Variants in NTNG2 observed in about 807,000 individuals in gnomAD.
NTNG2 encodes the protein netrin G2, also known as netrin-G2.
NTNG2 carries 15 observed loss-of-function variants against 47.6 expected under a neutral mutation model. The ratio of observed to expected loss-of-function variants is 0.32; its 90% CI spans 0.21 to 0.49. The LOEUF (loss-of-function observed/expected upper bound fraction) is 0.49, where lower values mean the gene tolerates loss of function less well. Among genes scored for constraint, NTNG2 ranks in the 20% least tolerant of loss-of-function variants. The pLI, the probability that NTNG2 is intolerant of heterozygous loss-of-function variation, is 0.99. For synonymous variants in NTNG2, 307 were observed against 324.6 expected, an observed-to-expected ratio of 0.95 and a Z score of 0.58; for missense variants, 578 against 764.6, an observed-to-expected ratio of 0.76 and a Z score of 2.88.
Position 132,198,363 on chromosome 9 carries a change from G to C in NTNG2, c.611G>C (p.Gly204Ala), listed in dbSNP as rs1483207462. The C allele has an allele frequency of 6.2e-7, 1 of 1,612,958 alleles. No homozygotes were observed. The highest frequency in any genetic ancestry group is 1.6e-4 in the Middle Eastern group (1 of 6,062). Residue 204 changes from glycine (G) to alanine (A), a missense_variant, in exon 3 of 8, where the codon GGC (glycine) becomes GCC (alanine). Physicochemically the swap from Gly to Ala is moderately conservative, Grantham distance 60. Transcript: ENST00000393229. ...LCTEEYSRWA[G>A]SKKEKHVRFE... ...ACCGAGGAGTACTCGCGCTGGGCAG[G>C]CTCCAAGAAGGAGAAGCACGTGCGC...
chr9:132,229,482 C>T (rs1161295698), intron 4 of NTNG2, among the ~76,000 whole-genome samples: 2 of 152,182 alleles, frequency 1.3e-5, no homozygotes, highest in Admixed American at 1.3e-4. Flanking sequence ...CCACTCTGCC[C>T]CCACCTGGCC....
At chr9:132,176,408 A>T (rs144678158) in intron 2 of NTNG2, among the ~76,000 whole-genome samples, 42 of 152,238 alleles carry the variant, frequency 2.8e-4, no homozygotes, top group Non-Finnish European at 5.4e-4. Flanking sequence ...GAATTTAGCT[A>T]TGCTAGACAT....
chr9:132,203,204 G>T (rs538462932), intron 3 of NTNG2, among the ~76,000 whole-genome samples: 3 of 152,140 alleles, frequency 2.0e-5, no homozygotes, highest in South Asian at 4.1e-4. Flanking sequence ...GCCAGGCATG[G>T]TGGTGTGCGC....
rs930285554 is a variant in NTNG2, at chr9:132,180,776, T to A, written c.213+13732T>A. 2.6e-5 allele frequency among the ~76,000 whole-genome samples: 4 copies of A among 152,194 alleles called. No homozygotes were observed. The highest frequency in any genetic ancestry group is 9.6e-5 in the African/African-American group (4 of 41,458). On this transcript the variant is annotated intron_variant, in intron 2 of 7. Coordinates refer to ENST00000393229, the MANE Select transcript of NTNG2 (RefSeq NM_032536.4). The surrounding 1 kb of genome is among the most constrained non-coding windows in gnomAD (Gnocchi z 4.2). ...CCAGAGGGGAGAAATGCAGGGAACC[T>A]ACCCAGAAAACCCTGGAGCGGGAGC...
intron 3 of NTNG2, among the ~76,000 whole-genome samples, chr9:132,225,876 T>G (rs1015562776): frequency 2.6e-5 from 4 of 152,210 alleles, no homozygotes; most frequent in Non-Finnish European, 1.5e-5. Context: ...TGCCGGAGTT[T>G]CCTCGAGTCC....
intron 2 of NTNG2, among the ~76,000 whole-genome samples, chr9:132,195,952 G>C (rs1364464450): frequency 6.6e-6 from 1 of 151,858 alleles, no homozygotes. Context: ...TTTATTGTTT[G>C]TAGAGACAGG....
In NTNG2 at chr9:132,236,210, C is replaced by T. The variant is rs1352712679; in HGVS notation, c.1055-2894C>T. Among the ~76,000 whole-genome samples the T allele has an allele frequency of 1.3e-5, 2 of 152,212 alleles. No individual in the cohort carries two copies. The highest frequency in any genetic ancestry group is 2.4e-5 in the African/African-American group (1 of 41,446). On this transcript the variant is annotated intron_variant, in intron 5 of 7. Transcript: ENST00000393229. The surrounding 1 kb of genome is among the most constrained non-coding windows in gnomAD (Gnocchi z 4.3). ...GGTGAAGGGAGAAGGCAGCACATTCCAGGCCGCAGGGCCAGCCGGGGCAAA... is the reference window on the plus strand; with the variant it reads ...GGTGAAGGGAGAAGGCAGCACATTCTAGGCCGCAGGGCCAGCCGGGGCAAA...
intron 5 of NTNG2, 155 bp from the exon 6 acceptor site, chr9:132,238,949 G>GTTT: frequency 1.4e-6 from 1 of 736,020 alleles, no homozygotes; most frequent in African/African-American, 1.8e-5. Context: ...TGAATCCGAT[G>GTTT]GAAGGGTGGG....
chr9:132,211,639 C>T (rs1211907721), intron 3 of NTNG2, among the ~76,000 whole-genome samples: 1 of 152,154 alleles, frequency 6.6e-6, no homozygotes, highest in Non-Finnish European at 1.5e-5. Context: ...TCCTGTCTGG[C>T]AAACTCCTCA....
rs1468064776 is a variant in NTNG2 at position 132,189,064 on chromosome 9, CTTTCT to C, written c.214-8898_214-8894del. ...GTTTTATGTGAAAAAGGCTTTAAGCCTTTCTTTTTTTTTTTTTTTTTTTTTTTTTT... is the reference window on the plus strand; with the variant it reads ...GTTTTATGTGAAAAAGGCTTTAAGCCTTTTTTTTTTTTTTTTTTTTTTTTT... On this transcript the variant is annotated intron_variant, in intron 2 of 7. Coordinates refer to ENST00000393229, the MANE Select transcript of NTNG2 (RefSeq NM_032536.4). Among the ~76,000 whole-genome samples the C allele has an allele frequency of 6.3e-4, 39 of 61,770 alleles. 1 individual carries two copies. The highest frequency in any genetic ancestry group is 1.4e-3 in the South Asian group (3 of 2,094). The allele number at this position is 61,770 out of a possible 152,430, so 40.5% of individuals were successfully genotyped here. A position where few individuals can be genotyped will look rare whatever the true frequency, so the allele number is the denominator to read the frequency against.
At position 132,174,779 on chromosome 9, in the gene NTNG2, G is replaced by A. The variant is rs561881126; in HGVS notation, c.213+7735G>A. The stretch of plus-strand genomic sequence containing the variant: ...TCTACTAAAAATACAAAAATTAGCC[G>A]GGTGTGGTGGCGCGCGCCTGTAATC... On this transcript the variant is annotated intron_variant, in intron 2 of 7. Transcript: ENST00000393229. Among the ~76,000 whole-genome samples, 5 of 152,128 alleles carry A rather than the reference G, an allele frequency of 3.3e-5. No individual in the cohort carries two copies. The East Asian group carries it at 5.8e-4, about 18-fold the overall frequency.
intron 3 of NTNG2, among the ~76,000 whole-genome samples, chr9:132,199,841 C>T (rs990843665): frequency 3.9e-5 from 6 of 152,126 alleles, no homozygotes; most frequent in Non-Finnish European, 8.8e-5. Flanking sequence ...TCTTTCTTGC[C>T]CAGCTCTGGA....
At chr9:132,202,329 G>A (rs1838828001) in intron 3 of NTNG2, among the ~76,000 whole-genome samples, 1 of 152,146 alleles carries the variant, frequency 6.6e-6, no homozygotes, top group Admixed American at 6.5e-5. Context: ...CCAGCCCAGG[G>A]CCCTGGGAAG....
intron 2 of NTNG2, among the ~76,000 whole-genome samples, chr9:132,181,873 G>A (rs1045364406): frequency 3.9e-5 from 6 of 152,230 alleles, no homozygotes; most frequent in African/African-American, 1.4e-4. Flanking sequence ...CGCCCGGCCC[G>A]GCATCCAGGT....
chr9:132,235,301 C>T lies in NTNG2; in HGVS notation c.1055-3803C>T, dbSNP rs535920616. On this transcript the variant is annotated intron_variant, in intron 5 of 7. Transcript: ENST00000393229. ...AGACATCAGCTCAGAGAGGTCTGGG[C>T]CCAGAGGCGGGACCTGGTCTAGCTC... Among the ~76,000 whole-genome samples, 37 of 152,346 alleles carry T rather than the reference C, an allele frequency of 2.4e-4. 1 individual carries two copies. The South Asian group carries it at 6.6e-3, about 27-fold the overall frequency.
rs1440485303 is a variant in NTNG2 at position 132,162,232 on chromosome 9, G to A, written c.-491G>A. The A allele has an allele frequency of 1.3e-5, 2 of 152,404 alleles. No individual in the cohort carries two copies. The highest frequency in any genetic ancestry group is 2.9e-5 in the Non-Finnish European group (2 of 68,010). 9.4% of individuals were successfully genotyped at this position (152,404 alleles called of 1,614,324 possible). On this transcript the variant is annotated 5_prime_UTR_variant, in exon 1 of 8. Transcript: ENST00000393229. This position sits in a 1 kb window ranked among gnomAD's most constrained non-coding sequence, Gnocchi z 4.6. ...GGTCTCCGCGCCGGGAAGCCGCTCC[G>A]AGCCGGGGTAAGGCGGGCGGGGAGA... is the stretch of plus-strand genomic sequence containing the variant.
At chr9:132,185,319 G>A (rs1837275609) in intron 2 of NTNG2, among the ~76,000 whole-genome samples, 1 of 152,162 alleles carries the variant, frequency 6.6e-6, no homozygotes, top group Non-Finnish European at 1.5e-5. Flanking sequence ...GAGGAGAGGG[G>A]GCCCAGAAAA....
intron 2 of NTNG2, among the ~76,000 whole-genome samples, chr9:132,185,580 A>T (rs898392980): frequency 6.6e-6 from 1 of 151,404 alleles, no homozygotes; most frequent in African/African-American, 2.4e-5. Flanking sequence ...CTAAGTCCTG[A>T]ATCAATAATG....
At chr9:132,207,677 G>A (rs546579021) in intron 3 of NTNG2, among the ~76,000 whole-genome samples, 1 of 152,162 alleles carries the variant, frequency 6.6e-6, no homozygotes. Flanking sequence ...CCCACAGCAG[G>A]CACCTATGAC....
Sources: gnomAD v4.1 joint callset for allele counts (sites outside exome capture counted in the v4.1 genomes callset) on GRCh38, gnomAD v4.1.1 for gene constraint, Gnocchi (gnomAD v3.1) non-coding constraint, MANE v1.5 for transcripts, NCBI Gene and HGNC (gene_info 2026-07-23, HGNC 2026-07-21) for gene names.